CYTH1: variants seen among roughly 807,000 people sequenced by gnomAD.
CYTH1 encodes the protein cytohesin 1.
In CYTH1, 18 loss-of-function variants were observed where a neutral mutation model predicts 61.8. That is an observed-to-expected ratio of 0.29 (90% confidence interval 0.20 to 0.43). CYTH1 has a LOEUF of 0.43. CYTH1 is among the 20% of genes least tolerant of loss of function. The pLI, the probability that CYTH1 is intolerant of heterozygous loss-of-function variation, is 1.00. For synonymous variants in CYTH1, 174 were observed against 184.3 expected (o/e 0.94, Z 0.45); for missense variants, 336 against 510.5 (o/e 0.66, Z 3.29).
intron 1 of CYTH1, among the ~76,000 whole-genome samples, chr17:78,731,755 C>CAAA (rs376349109): frequency 1.4e-4 from 10 of 73,628 alleles, no homozygotes; most frequent in South Asian, 5.5e-4. Flanking sequence ...GACTCCGTCT[C>CAAA]AAAAAAAAAA....
chr17:78,706,749 T>C (rs953386894), intron 3 of CYTH1, among the ~76,000 whole-genome samples: 1 of 152,244 alleles, frequency 6.6e-6, no homozygotes, highest in Non-Finnish European at 1.5e-5. Flanking sequence ...TTTTTAATTC[T>C]AGCCATCATA....
rs142479402 is a variant in CYTH1, at chr17:78,764,573, A to G, written c.22+17629T>C. Reference sequence around the variant, plus strand: ...AACTCACTAACTGGTTATCAACATAAGCAGTTTCAGCAAGAACCAGGCTTA... The same window carrying G: ...AACTCACTAACTGGTTATCAACATAGGCAGTTTCAGCAAGAACCAGGCTTA... On this transcript the variant is annotated intron_variant, in intron 1 of 13. Transcript: ENST00000446868. Among the ~76,000 whole-genome samples the G allele has an allele frequency of 1.1e-3, 162 of 152,324 alleles. 1 individual carries two copies. The highest frequency in any genetic ancestry group is 3.7e-3 in the African/African-American group (155 of 41,576).
At chr17:78,705,272 C>T (rs1479643574) in intron 3 of CYTH1, among the ~76,000 whole-genome samples, 2 of 152,178 alleles carry the variant, frequency 1.3e-5, no homozygotes, top group African/African-American at 2.4e-5. Flanking sequence ...ACATGACTGC[C>T]TGGGACACAC....
chr17:78,782,029 C>A (rs2093520774), intron 1 of CYTH1, among the ~76,000 whole-genome samples, 173 bp downstream of exon 1: 1 of 151,402 alleles, frequency 6.6e-6, no homozygotes, highest in South Asian at 2.1e-4. Context: ...CCCCCTGCGA[C>A]CCCCGCCCCG....
In CYTH1 at chr17:78,674,780, GC is replaced by G. The variant is rs2092679967; in HGVS notation, c.*1310del. 1 of 152,510 alleles carries G rather than the reference GC, an allele frequency of 6.6e-6. No homozygotes were observed. Among genetic ancestry groups the G allele is most frequent in the Non-Finnish European group, 1.5e-5 (1 of 68,272 alleles). The allele number at this position is 152,510 out of a possible 1,614,324, so 9.4% of individuals were successfully genotyped here. On this transcript the variant is annotated 3_prime_UTR_variant, in exon 14 of 14. Coordinates refer to ENST00000446868, the MANE Select transcript of CYTH1 (RefSeq NM_004762.6). ...CTGGCATGCTGGCCCTGGCGGAGTG[GC>G]AGGAGCTGCCCTGAGAGTCCCTGAG...
chr17:78,765,304 C>A (rs551992155), intron 1 of CYTH1, among the ~76,000 whole-genome samples: 1 of 152,216 alleles, frequency 6.6e-6, no homozygotes, highest in Non-Finnish European at 1.5e-5. Flanking sequence ...TAAAGGTAGA[C>A]CCCAAAGTCT....
chr17:78,722,162 G>A (rs1319924892), intron 1 of CYTH1, among the ~76,000 whole-genome samples: 2 of 152,168 alleles, frequency 1.3e-5, no homozygotes, highest in East Asian at 1.9e-4. Flanking sequence ...TTTATCCTGC[G>A]AATTTGGTTT....
intron 1 of CYTH1, among the ~76,000 whole-genome samples, chr17:78,725,051 T>C (rs774124910): frequency 3.9e-5 from 6 of 152,186 alleles, no homozygotes; most frequent in Non-Finnish European, 7.3e-5. Flanking sequence ...TGGGCCCCTG[T>C]CTTCCTCCTT....
intron 1 of CYTH1, among the ~76,000 whole-genome samples, chr17:78,719,313 C>T (rs2093208549): frequency 6.6e-6 from 1 of 152,144 alleles, no homozygotes; most frequent in Admixed American, 6.5e-5. Context: ...TTTTATATCA[C>T]TTGGGGAACA....
At chr17:78,688,220 C>T (rs1232497809) in intron 11 of CYTH1, among the ~76,000 whole-genome samples, 1 of 152,194 alleles carries the variant, frequency 6.6e-6, no homozygotes, top group Non-Finnish European at 1.5e-5. Context: ...TATAACACCA[C>T]AAAACAAAAC....
At chr17:78,762,499 T>C (rs1420137114) in intron 1 of CYTH1, among the ~76,000 whole-genome samples, 1 of 151,998 alleles carries the variant, frequency 6.6e-6, no homozygotes, top group African/African-American at 2.4e-5. Context: ...GGCACTAAGG[T>C]AGATGTATAG....
intron 1 of CYTH1, among the ~76,000 whole-genome samples, chr17:78,741,467 A>C (rs1304410752): frequency 6.6e-6 from 1 of 152,190 alleles, no homozygotes; most frequent in Non-Finnish European, 1.5e-5. Context: ...TACCCATATC[A>C]ATCATTATCC....
At chr17:78,722,755 T>C (rs2093239770) in intron 1 of CYTH1, among the ~76,000 whole-genome samples, 2 of 152,176 alleles carry the variant, frequency 1.3e-5, no homozygotes, top group South Asian at 4.1e-4. Flanking sequence ...ACCCCTAGCA[T>C]TAAACGCGAC....
At chr17:78,715,812 G>A (rs1397335370) in intron 1 of CYTH1, among the ~76,000 whole-genome samples, 1 of 152,174 alleles carries the variant, frequency 6.6e-6, no homozygotes, top group East Asian at 1.9e-4. Flanking sequence ...GTCGCTGGTA[G>A]TTAACTTACA....
intron 1 of CYTH1, among the ~76,000 whole-genome samples, chr17:78,774,109 C>CA (rs1459202126): frequency 6.6e-6 from 1 of 152,192 alleles, no homozygotes; most frequent in Non-Finnish European, 1.5e-5. Flanking sequence ...GGCACATTTG[C>CA]ACTATTACAG....
At chr17:78,773,843 C>T (rs958422179) in intron 1 of CYTH1, among the ~76,000 whole-genome samples, 2 of 152,072 alleles carry the variant, frequency 1.3e-5, no homozygotes, top group Non-Finnish European at 2.9e-5. Context: ...TACACATTTT[C>T]CCCATGCTTA....
intron 11 of CYTH1, among the ~76,000 whole-genome samples, chr17:78,684,926 C>A (rs1366369677): frequency 1.3e-5 from 2 of 152,140 alleles, no homozygotes; most frequent in African/African-American, 4.8e-5. Context: ...TCTGACCAGG[C>A]ATGGTGGCTC....
At chr17:78,777,711 G>A (rs1027518039) in intron 1 of CYTH1, among the ~76,000 whole-genome samples, 21 of 151,920 alleles carry the variant, frequency 1.4e-4, no homozygotes, top group Admixed American at 1.4e-3. Flanking sequence ...CTAAAGCCGG[G>A]CGCGGTGGCT....
chr17:78,720,038 G>C (rs1451220105), intron 1 of CYTH1, among the ~76,000 whole-genome samples: 3 of 152,168 alleles, frequency 2.0e-5, no homozygotes, highest in Non-Finnish European at 4.4e-5. Flanking sequence ...GAGGCCCCTG[G>C]AGTAGTCAAA....
Sources: gnomAD v4.1 joint callset for allele counts (sites outside exome capture counted in the v4.1 genomes callset) on GRCh38, gnomAD v4.1.1 for gene constraint, MANE v1.5 for transcripts, NCBI Gene and HGNC (gene_info 2026-07-23, HGNC 2026-07-21) for gene names.